The following PARP8 variants were observed in gnomAD, a reference collection of about 807,000 sequenced individuals.
PARP8 encodes the protein poly(ADP-ribose) polymerase family member 8, also known as protein mono-ADP-ribosyltransferase PARP8.
Under a neutral mutation model 124.1 loss-of-function variants are expected in PARP8, and 51 were observed. The observed-to-expected ratio is 0.41, with a 90% CI of 0.33 to 0.52. PARP8 has a LOEUF of 0.52. Among genes scored for constraint, PARP8 ranks in the 20% least tolerant of loss-of-function variants. PARP8 has a pLI of 0.21. For missense variants in PARP8, 860 were observed against 1,018.9 expected (o/e 0.84, Z 2.12); for synonymous variants, 391 against 361.5 (o/e 1.08, Z -0.93).
intron 2 of PARP8, among the ~76,000 whole-genome samples, chr5:50,709,981 C>CAT (rs1331020317): frequency 7.7e-5 from 11 of 142,236 alleles, no homozygotes; most frequent in Non-Finnish European, 1.1e-4. Context: ...CACACACACA[C>CAT]ATATATATAC....
rs200110407 is a variant in PARP8, at chr5:50,789,326, AGAGAACACT to A, written c.737+740_737+748del. Among the ~76,000 whole-genome samples the A allele has an allele frequency of 7.5e-3, 1,137 of 152,328 alleles. 15 individuals are homozygous for A. Among genetic ancestry groups the A allele is most frequent in the African/African-American group, 0.026 (1,067 of 41,562 alleles). ...AAAAAAATGCATCTTAGAAGTAAATAGAGAACACTGATAAATTACAGACACAAGAATTGG... is the reference window on the plus strand; with the variant it reads ...AAAAAAATGCATCTTAGAAGTAAATAGATAAATTACAGACACAAGAATTGG... On this transcript the variant is annotated intron_variant, in intron 10 of 25. Transcript: ENST00000281631.
At chr5:50,823,131 AC>A (rs1745954649) in intron 17 of PARP8, among the ~76,000 whole-genome samples, 1 of 152,092 alleles carries the variant, frequency 6.6e-6, no homozygotes, top group African/African-American at 2.4e-5. Flanking sequence ...TGCCTTAGAG[AC>A]CCTTGCAGGC....
chr5:50,837,156 A>G (rs1747673340), intron 25 of PARP8, among the ~76,000 whole-genome samples: 1 of 152,170 alleles, frequency 6.6e-6, no homozygotes, highest in South Asian at 2.1e-4. Flanking sequence ...AGAGAAGTAC[A>G]CTCAGATACT....
At chr5:50,778,184 A>C (rs1740249988) in intron 8 of PARP8, 55 bp downstream of exon 8, 10 of 1,290,652 alleles carry the variant, frequency 7.7e-6, no homozygotes, top group Non-Finnish European at 1.1e-5. Context: ...ATTTTATTTT[A>C]TTTTTGGGGG....
At chr5:50,841,322 C>G (rs1174043531) in intron 25 of PARP8, among the ~76,000 whole-genome samples, 2 of 151,776 alleles carry the variant, frequency 1.3e-5, no homozygotes, top group Admixed American at 1.3e-4. Flanking sequence ...GTAACTATTT[C>G]TTTTTAAAGA....
At chr5:50,764,233 G>A (rs1263501096) in intron 7 of PARP8, among the ~76,000 whole-genome samples, 1 of 152,190 alleles carries the variant, frequency 6.6e-6, no homozygotes, top group African/African-American at 2.4e-5. Flanking sequence ...TTCAGTGAAT[G>A]GTTGGGCAGT....
rs1005446175 is a variant in PARP8 at position 50,796,965 on chromosome 5, T to C, written c.1429-17T>C. On this transcript the variant is annotated splice_polypyrimidine_tract_variant and intron_variant, in intron 12 of 25. Transcript: ENST00000281631. ...ATTTAAAAAAATTATCATTTTTTTT[T>C]ACTTTGCTTTTTATAGCCAAATGGT... 1.9e-6 allele frequency: 3 copies of C among 1,598,844 alleles called. No homozygotes were observed. In the African/African-American group the frequency reaches 4.0e-5, roughly 22 times the overall value.
intron 2 of PARP8, among the ~76,000 whole-genome samples, chr5:50,686,875 A>G (rs1751924594): frequency 6.6e-6 from 1 of 151,962 alleles, no homozygotes; most frequent in Non-Finnish European, 1.5e-5. Flanking sequence ...CGGCATGGAG[A>G]CCCTGGGCCT....
intron 3 of PARP8, among the ~76,000 whole-genome samples, chr5:50,750,936 G>C (rs1212029369): frequency 6.6e-6 from 1 of 152,076 alleles, no homozygotes; most frequent in East Asian, 1.9e-4. Context: ...ACTTTTTATA[G>C]ATGGTTATGC....
chr5:50,690,409 T>A (rs1752367776), intron 2 of PARP8, among the ~76,000 whole-genome samples: 1 of 152,150 alleles, frequency 6.6e-6, no homozygotes, highest in Admixed American at 6.5e-5. Context: ...CTGTGCCAAA[T>A]TCTCTTTTAA....
chr5:50,709,883 TG>T (rs1303780623), intron 2 of PARP8, among the ~76,000 whole-genome samples: 19 of 117,316 alleles, frequency 1.6e-4, no homozygotes, highest in African/African-American at 4.8e-4. Flanking sequence ...GTGTTTGTGT[TG>T]GGGGGGAGAG....
intron 25 of PARP8, among the ~76,000 whole-genome samples, chr5:50,837,616 C>G (rs1483013029): frequency 1.3e-5 from 2 of 151,934 alleles, no homozygotes; most frequent in Non-Finnish European, 2.9e-5. Flanking sequence ...ATTAAAATAA[C>G]TCCCATGCTA....
At chr5:50,728,949 G>T (rs1389135079) in intron 2 of PARP8, among the ~76,000 whole-genome samples, 1 of 152,018 alleles carries the variant, frequency 6.6e-6, no homozygotes, top group Non-Finnish European at 1.5e-5. Context: ...GTTGAAAAAG[G>T]CAACTTATTA....
At chr5:50,744,745 G>A (rs1350591730) in intron 2 of PARP8, 2 of 701,474 alleles carry the variant, frequency 2.9e-6, no homozygotes, top group South Asian at 3.0e-5. Flanking sequence ...GGAATTCAGA[G>A]CTTGCTCCAG....
chr5:50,679,337 G>C (rs1434403914), intron 2 of PARP8, among the ~76,000 whole-genome samples: 6 of 151,960 alleles, frequency 3.9e-5, no homozygotes, highest in Admixed American at 3.9e-4. Context: ...CTCCTGTTTT[G>C]GGTTCCTGAT....
At chr5:50,792,144 TTCCCTACCA>T (rs1742030465) in intron 10 of PARP8, among the ~76,000 whole-genome samples, 2 of 152,322 alleles carry the variant, frequency 1.3e-5, no homozygotes, top group East Asian at 3.9e-4. Context: ...TTTTCTTTTT[TTCCCTACCA>T]TCAGCCAATC....
chr5:50,688,527 T>A (rs1332389442), intron 2 of PARP8, among the ~76,000 whole-genome samples: 1 of 152,228 alleles, frequency 6.6e-6, no homozygotes, highest in African/African-American at 2.4e-5. Context: ...ATGTAAATAT[T>A]TTAATTTTTT....
Position 50,667,433 on chromosome 5 carries a change from C to T in PARP8, c.91+247C>T, listed in dbSNP as rs1418785359. 4.3e-6 allele frequency: 3 copies of T among 701,154 alleles called. No homozygotes were observed. The South Asian group carries it at 4.5e-5, about 10-fold the overall frequency. The allele number at this position is 701,154 out of a possible 1,614,324, so 43.4% of individuals were successfully genotyped here. On this transcript the variant is annotated intron_variant, in intron 1 of 25. Coordinates refer to ENST00000281631, the MANE Select transcript of PARP8 (RefSeq NM_024615.4). The stretch of plus-strand genomic sequence containing the variant: ...GAGGGCAGAGCCCGCGTGGCCGGAG[C>T]GGGGGTCTAGGCGAAGGGGCAGTGC...
At chr5:50,838,572 T>C (rs766910921) in intron 25 of PARP8, among the ~76,000 whole-genome samples, 30 of 152,074 alleles carry the variant, frequency 2.0e-4, no homozygotes, top group Non-Finnish European at 3.8e-4. Context: ...ACAGCCTACA[T>C]TCCTATGCAT....
Sources: gnomAD v4.1 joint callset for allele counts (sites outside exome capture counted in the v4.1 genomes callset) on GRCh38, gnomAD v4.1.1 for gene constraint, MANE v1.5 for transcripts, NCBI Gene and HGNC (gene_info 2026-07-23, HGNC 2026-07-21) for gene names.